Variants in RYR2 observed in about 807,000 individuals in gnomAD.
The protein encoded by RYR2 is ryanodine receptor 2.
RYR2 carries 227 observed loss-of-function variants against 601.1 expected under a neutral mutation model. The observed-to-expected ratio is 0.38, with a 90% CI of 0.34 to 0.42. The LOEUF (loss-of-function observed/expected upper bound fraction) is 0.42. RYR2 is among the 10% of genes least tolerant of loss of function. The pLI is 1.00. For synonymous variants in RYR2, 2,223 were observed against 2,175.1 expected (o/e 1.02, Z -0.61); for missense variants, 4,646 against 6,156.5 (o/e 0.75, Z 8.21).
chr1:237,768,267 A>G (rs1000764955), intron 84 of RYR2, among the ~76,000 whole-genome samples: 8 of 152,184 alleles, frequency 5.3e-5, no homozygotes, highest in Non-Finnish European at 7.3e-5. Flanking sequence ...GCTTGGCATG[A>G]TGTTTCCATA....
chr1:237,269,061 AGAC>A, intron 1 of RYR2, among the ~76,000 whole-genome samples: 1 of 87,808 alleles, frequency 1.1e-5, no homozygotes, highest in African/African-American at 6.5e-5. Flanking sequence ...TTTTTTTGTG[AGAC>A]AGAGTTTCGC....
In RYR2 at chr1:237,577,550, TTGA is replaced by T. The variant is rs1673396458; in HGVS notation, c.3598+8232_3598+8234del. ...TGTGTGTGTGTGCGTGTGTGTGTGT[TTGA>T]GAGAGAGAGAGAGAAAGAGAGAGAT... On this transcript the variant is annotated intron_variant, in intron 29 of 104. Coordinates refer to ENST00000366574, the MANE Select transcript of RYR2 (RefSeq NM_001035.3). Among the ~76,000 whole-genome samples, 220 of 47,534 alleles carry T rather than the reference TTGA, an allele frequency of 4.6e-3. 3 individuals carry two copies. Among genetic ancestry groups the T allele is most frequent in the South Asian group, 0.014 (14 of 986 alleles). The allele number at this position is 47,534 out of a possible 152,430, so 31.2% of individuals were successfully genotyped here.
At chr1:237,073,064 C>T (rs1289020293) in intron 1 of RYR2, among the ~76,000 whole-genome samples, 1 of 151,926 alleles carries the variant, frequency 6.6e-6, no homozygotes, top group Non-Finnish European at 1.5e-5. Flanking sequence ...CTGAACTAGA[C>T]ACTTAAGGAC....
At chr1:237,823,493 C>T (rs906228042) in intron 101 of RYR2, among the ~76,000 whole-genome samples, 5 of 152,150 alleles carry the variant, frequency 3.3e-5, no homozygotes, top group Non-Finnish European at 7.3e-5. Flanking sequence ...AGAACAAAGA[C>T]ACAACGTACC....
At chr1:237,551,240 G>A (rs1206306993) in intron 27 of RYR2, among the ~76,000 whole-genome samples, 3 of 152,148 alleles carry the variant, frequency 2.0e-5, no homozygotes, top group South Asian at 2.1e-4. Flanking sequence ...TTTGAAGAAT[G>A]TAGTTTAGGC....
At chr1:237,368,563 T>G in intron 5 of RYR2, among the ~76,000 whole-genome samples, 1 of 152,130 alleles carries the variant, frequency 6.6e-6, no homozygotes, top group East Asian at 1.9e-4. Flanking sequence ...CCTGGAAAAT[T>G]ATTGAAATGA....
At chr1:237,123,648 C>CTT (rs1671064247) in intron 1 of RYR2, among the ~76,000 whole-genome samples, 1 of 134,116 alleles carries the variant, frequency 7.5e-6, no homozygotes, top group Admixed American at 8.0e-5. Context: ...CTATCAGTCA[C>CTT]TATTTTTTTT....
intron 79 of RYR2, among the ~76,000 whole-genome samples, chr1:237,741,793 G>A (rs12047156): frequency 6.6e-6 from 1 of 152,112 alleles, no homozygotes; most frequent in East Asian, 1.9e-4. Flanking sequence ...GTAGAGACAG[G>A]GTTTCACCAT....
At chr1:237,593,758 G>T in intron 33 of RYR2, 122 bp downstream of exon 33, 1 of 1,014,858 alleles carries the variant, frequency 9.9e-7, no homozygotes, top group Non-Finnish European at 1.4e-6. Context: ...ATATAATCAA[G>T]CCATTAATGT....
intron 16 of RYR2, among the ~76,000 whole-genome samples, chr1:237,457,335 C>G (rs1658960261): frequency 6.6e-6 from 1 of 152,154 alleles, no homozygotes; most frequent in Non-Finnish European, 1.5e-5. Flanking sequence ...CTGTGGTTTA[C>G]CCTGCATTCC....
intron 1 of RYR2, among the ~76,000 whole-genome samples, chr1:237,264,687 A>T (rs943594374): frequency 2.8e-5 from 4 of 141,788 alleles, no homozygotes; most frequent in South Asian, 4.7e-4. Flanking sequence ...TTTATTTTTT[A>T]TTATTATTAT....
intron 86 of RYR2, 21 bp downstream of exon 86, chr1:237,772,121 G>A (rs1694319364): frequency 7.7e-7 from 1 of 1,302,126 alleles, no homozygotes; most frequent in South Asian, 1.3e-5. Context: ...TTCCATATTA[G>A]TAACAAATTA....
At chr1:237,432,546 C>A (rs950147001) in intron 12 of RYR2, among the ~76,000 whole-genome samples, 1 of 152,116 alleles carries the variant, frequency 6.6e-6, no homozygotes, top group Non-Finnish European at 1.5e-5. Flanking sequence ...TTTATGCCCA[C>A]TTCCAAATTC....
chr1:237,594,705 G>A (rs1675607696), intron 33 of RYR2, among the ~76,000 whole-genome samples: 1 of 151,788 alleles, frequency 6.6e-6, no homozygotes, highest in Non-Finnish European at 1.5e-5. Context: ...CAGCCTTTTT[G>A]TTCTTTCCCT....
chr1:237,760,020 T>G (rs1693286308), intron 83 of RYR2, among the ~76,000 whole-genome samples, 168 bp downstream of exon 83: 1 of 152,120 alleles, frequency 6.6e-6, no homozygotes, highest in Non-Finnish European at 1.5e-5. Flanking sequence ...TTTAAGGGGT[T>G]GGTAATATCA....
chr1:237,490,925 A>T (rs1468731496), intron 17 of RYR2, among the ~76,000 whole-genome samples: 1 of 152,170 alleles, frequency 6.6e-6, no homozygotes, highest in African/African-American at 2.4e-5. Context: ...GCCCTTCCCA[A>T]TACTATGTAA....
chr1:237,169,019 T>C (rs1421950587), intron 1 of RYR2, among the ~76,000 whole-genome samples: 1 of 152,244 alleles, frequency 6.6e-6, no homozygotes, highest in East Asian at 1.9e-4. Context: ...ACAATTGCTT[T>C]CATCTTTAGA....
chr1:237,493,133 G>T (rs779253884), intron 19 of RYR2, 46 bp downstream of exon 19: 8 of 1,607,474 alleles, frequency 5.0e-6, no homozygotes, highest in Non-Finnish European at 6.0e-6. Flanking sequence ...CATAATAAAA[G>T]AATTAATGTT....
chr1:237,086,292 A>G (rs950091384), intron 1 of RYR2, among the ~76,000 whole-genome samples: 4 of 152,010 alleles, frequency 2.6e-5, no homozygotes, highest in African/African-American at 9.7e-5. Flanking sequence ...TCTTTCCTCC[A>G]TGTATCTGTG....
Sources: allele counts gnomAD v4.1 joint callset (sites outside exome capture counted in the v4.1 genomes callset), GRCh38; gene constraint gnomAD v4.1.1; transcripts MANE v1.5; gene names NCBI Gene and HGNC (gene_info 2026-07-23, HGNC 2026-07-21).